Variants in CTH observed in about 807,000 individuals in gnomAD.
CTH encodes the protein cystathionine gamma-lyase, also known as cystathionase (cystathionine gamma-lyase).
CTH carries 41 observed loss-of-function variants against 50.6 expected under a neutral mutation model. That is an observed-to-expected ratio of 0.81 (90% CI 0.63 to 1.05). The LOEUF (loss-of-function observed/expected upper bound fraction) is 1.05, where lower values mean the gene tolerates loss of function less well. Among genes scored for constraint, CTH ranks in the 50% least tolerant of loss-of-function variants. CTH has a pLI of 0.00. For synonymous variants in CTH, 156 were observed against 168.9 expected (o/e 0.92, Z 0.59); for missense variants, 470 against 492.6 (o/e 0.95, Z 0.43).
chr1:70,421,316 A>T (rs1474123911), intron 3 of CTH, among the ~76,000 whole-genome samples: 1 of 152,210 alleles, frequency 6.6e-6, no homozygotes, highest in Non-Finnish European at 1.5e-5. Context: ...TTTGAAAAAC[A>T]TTATTTGCTT....
intron 4 of CTH, 96 bp from the exon 5 acceptor site, chr1:70,424,189 T>C: frequency 6.3e-7 from 1 of 1,599,306 alleles, no homozygotes. Context: ...TGTGTTTCCA[T>C]TATACAATGT....
intron 3 of CTH, among the ~76,000 whole-genome samples, chr1:70,420,439 A>C (rs1175343763): frequency 6.6e-6 from 1 of 152,144 alleles, no homozygotes; most frequent in African/African-American, 2.4e-5. Context: ...GATTCTCATA[A>C]GGAGTGCACA....
At chr1:70,417,288 C>T (rs1684114600) in intron 2 of CTH, among the ~76,000 whole-genome samples, 1 of 151,076 alleles carries the variant, frequency 6.6e-6, no homozygotes. Context: ...TTTCTCTTTT[C>T]TTTCTTTTTT....
intron 1 of CTH, among the ~76,000 whole-genome samples, chr1:70,413,357 G>A (rs1185204936): frequency 2.6e-5 from 4 of 151,312 alleles, no homozygotes; most frequent in Non-Finnish European, 4.4e-5. Flanking sequence ...TCCGCCTCCC[G>A]GGTTCAAGCG....
rs772999788 is a variant in CTH at position 70,435,159 on chromosome 1, A to G, written c.1034A>G (p.Glu345Gly). ...FTLAESLGGF[E>G]SLAELPAIMT... ...CTGGCCGAGAGCTTGGGAGGATTCG[A>G]AAGCCTTGCTGAGCTTCCGTAAGTA... Residue 345 changes from glutamate (E) to glycine (G), a missense_variant, in exon 10 of 12, where the codon GAA becomes GGA. Glu to Gly is a moderately conservative substitution (Grantham distance 98, BLOSUM62 -2). Coordinates refer to ENST00000370938, the MANE Select transcript of CTH (RefSeq NM_001902.6). 6.2e-7 allele frequency: 1 copy of G among 1,613,234 alleles called. No homozygotes were observed. The highest frequency in any genetic ancestry group is 2.2e-5 in the East Asian group (1 of 44,850).
rs772819637 is a variant in CTH, at chr1:70,429,836, A to G, written c.631A>G (p.Thr211Ala). 2 of 1,611,978 alleles carry G rather than the reference A, an allele frequency of 1.2e-6. No homozygotes were observed. Among genetic ancestry groups the G allele is most frequent in the Non-Finnish European group, 8.5e-7 (1 of 1,178,144 alleles). The change falls in exon 6 of 12, where the codon ACA becomes GCA. Residue 211 changes from threonine to alanine, a missense_variant. Physicochemically the swap from Thr to Ala is moderately conservative, Grantham distance 58. Coordinates refer to ENST00000370938, the MANE Select transcript of CTH (RefSeq NM_001902.6). ...AGCTGATATTTCTATGTATTCTGCA[A>G]CAAAATACATGAATGGTAAGATGCA... ...LGADISMYSA[T>A]KYMNGHSDVV...
At chr1:70,414,901 CCT>C (rs1557460867) in intron 1 of CTH, among the ~76,000 whole-genome samples, 1 of 152,034 alleles carries the variant, frequency 6.6e-6, no homozygotes, top group Non-Finnish European at 1.5e-5. Context: ...CTCACTGCAA[CCT>C]CCGCATCCTG....
At chr1:70,421,443 T>G in intron 3 of CTH, 123 bp from the exon 4 acceptor site, 1 of 992,476 alleles carries the variant, frequency 1.0e-6, no homozygotes, top group Non-Finnish European at 1.6e-6. Context: ...TAGAATTGCT[T>G]TTAGTTGCAT....
At chr1:70,431,388 C>T (rs996577077) in intron 7 of CTH, among the ~76,000 whole-genome samples, 4 of 151,656 alleles carry the variant, frequency 2.6e-5, no homozygotes, top group Non-Finnish European at 4.4e-5. Context: ...TTTTATATCA[C>T]GAATGATGGT....
At chr1:70,438,552 C>A in intron 10 of CTH, 136 bp from the exon 11 acceptor site, 1 of 852,474 alleles carries the variant, frequency 1.2e-6, no homozygotes, top group Non-Finnish European at 1.9e-6. Flanking sequence ...TCTTTTTTTG[C>A]CTGTGAATTA....
In CTH at chr1:70,411,535, C is replaced by T. The variant is rs766581925; in HGVS notation, c.120C>T (p.Pro40=). The T allele has an allele frequency of 6.2e-6, 10 of 1,614,176 alleles. No homozygotes were observed. The South Asian group carries it at 8.8e-5, about 14-fold the overall frequency. The part of the protein sequence containing the change: ...EQWTSRAVVP[P]ISLSTTFKQG... ...GGACCTCCAGGGCTGTAGTGCCCCC[C>T]ATCTCACTGTCCACCACGTTCAAGC... Residue 40 remains proline, a synonymous_variant, in exon 1 of 12, where the codon CCC becomes CCT. Coordinates refer to ENST00000370938, the MANE Select transcript of CTH (RefSeq NM_001902.6).
chr1:70,412,387 CCT>C (rs1683986580), intron 1 of CTH, among the ~76,000 whole-genome samples: 1 of 152,216 alleles, frequency 6.6e-6, no homozygotes, highest in Admixed American at 6.5e-5. Context: ...GGGTGGATCA[CCT>C]GAGGACAGGA....
intron 3 of CTH, among the ~76,000 whole-genome samples, chr1:70,418,590 G>C (rs1423065834): frequency 2.0e-5 from 3 of 152,186 alleles, no homozygotes; most frequent in Non-Finnish European, 4.4e-5. Context: ...GTGCTAGAAT[G>C]AATACGTAGC....
At chr1:70,434,255 A>C (rs1317777586) in intron 9 of CTH, among the ~76,000 whole-genome samples, 1 of 152,234 alleles carries the variant, frequency 6.6e-6, no homozygotes, top group Non-Finnish European at 1.5e-5. Flanking sequence ...AGTAGTGTGC[A>C]GTTAGTGCAC....
At chr1:70,430,103 A>T (rs116411231) in intron 6 of CTH, among the ~76,000 whole-genome samples, 2,376 of 152,298 alleles carry the variant, frequency 0.016, 50 homozygotes, top group African/African-American at 0.054. Flanking sequence ...CCTTAAAGAA[A>T]CATTTTGTTT....
chr1:70,434,698 A>T (rs1483359280), intron 9 of CTH, among the ~76,000 whole-genome samples: 1 of 149,256 alleles, frequency 6.7e-6, no homozygotes, highest in African/African-American at 2.5e-5. Flanking sequence ...GCATTTAGAG[A>T]TTTTTTTATT....
chr1:70,435,262 A>G, intron 10 of CTH, 85 bp downstream of exon 10: 1 of 1,245,436 alleles, frequency 8.0e-7, no homozygotes, highest in Non-Finnish European at 1.1e-6. Flanking sequence ...GGTCAGGGAT[A>G]ATTCAAGATA....
At chr1:70,432,840 C>G (rs368096123) in intron 8 of CTH, among the ~76,000 whole-genome samples, 1 of 151,998 alleles carries the variant, frequency 6.6e-6, no homozygotes, top group African/African-American at 2.4e-5. Context: ...CCCGCCACCA[C>G]GCCCAGCTAT....
rs370333644 is a variant in CTH, at chr1:70,413,939, A to G, written c.169-2017A>G. ...TTATTTTTAGTAGAGACGGGGTTTC[A>G]CCATGTTGGCCAGGCTGGTCTTGAA... On this transcript the variant is annotated intron_variant, in intron 1 of 11. Coordinates refer to ENST00000370938, the MANE Select transcript of CTH (RefSeq NM_001902.6). Among the ~76,000 whole-genome samples the G allele has an allele frequency of 4.6e-5, 7 of 151,120 alleles. No individual in the cohort carries two copies. The South Asian group carries it at 1.5e-3, about 32-fold the overall frequency.
Sources: gnomAD v4.1 joint callset for allele counts (sites outside exome capture counted in the v4.1 genomes callset) on GRCh38, gnomAD v4.1.1 for gene constraint, MANE v1.5 for transcripts, NCBI Gene and HGNC (gene_info 2026-07-23, HGNC 2026-07-21) for gene names.